SPATA13: variants seen among roughly 807,000 people sequenced by gnomAD.
The protein encoded by SPATA13 is spermatogenesis-associated protein 13.
A neutral mutation model predicts 104.0 loss-of-function variants in SPATA13; 50 were observed. The observed-to-expected ratio is 0.48, with a 90% CI of 0.38 to 0.61. The LOEUF (loss-of-function observed/expected upper bound fraction) is 0.61. Ranked by LOEUF, SPATA13 falls within the 20% of genes least tolerant of loss-of-function variation. The probability of loss-of-function intolerance (pLI) is 0.00; values close to 1 mark genes in which losing one functional copy is unlikely to be tolerated. For synonymous variants in SPATA13, 606 were observed against 667.5 expected (o/e 0.91, Z 1.42); for missense variants, 1,524 against 1,690.6 (o/e 0.90, Z 1.73).
chr13:24,139,435 C>A (rs997704158), intron 3 of SPATA13, among the ~76,000 whole-genome samples: 2 of 152,098 alleles, frequency 1.3e-5, no homozygotes, highest in African/African-American at 2.4e-5. Context: ...AGAGAAGAAG[C>A]AAAAACCCAC....
In SPATA13 at chr13:24,088,480, C is replaced by T. The variant is rs890049137; in HGVS notation, c.-112+70779C>T. On this transcript the variant is annotated intron_variant, in intron 3 of 14. Coordinates refer to the SPATA13 transcript ENST00000424834. The surrounding 1 kb of genome is among the most constrained non-coding windows in gnomAD (Gnocchi z 4.3). ...CATCACCCTGGACATTGACACTTCT[C>T]TTAGGGAAACACTGGGCACCATGTG... is the stretch of plus-strand genomic sequence containing the variant. Among the ~76,000 whole-genome samples the T allele has an allele frequency of 9.2e-5, 14 of 152,252 alleles. No individual in the cohort carries two copies. Among genetic ancestry groups the T allele is most frequent in the African/African-American group, 3.1e-4 (13 of 41,546 alleles).
intron 3 of SPATA13, among the ~76,000 whole-genome samples, chr13:24,127,953 A>T (rs2137831656): frequency 6.6e-6 from 1 of 152,390 alleles, no homozygotes; most frequent in Non-Finnish European, 1.5e-5. Context: ...ATGAACGAAC[A>T]GCATTTACAG....
intron 3 of SPATA13, among the ~76,000 whole-genome samples, chr13:24,114,112 G>A (rs111274899): frequency 0.016 from 2,481 of 152,278 alleles, 37 homozygotes; most frequent in Non-Finnish European, 0.025. Context: ...CAGTGTAGAA[G>A]GACAAGTGTA....
intron 9 of SPATA13, among the ~76,000 whole-genome samples, chr13:24,293,182 C>A: frequency 1.3e-5 from 2 of 148,248 alleles, no homozygotes. Context: ...GAAGAGAGAG[C>A]TATATATTTT....
intron 4 of SPATA13, chr13:24,278,939 T>C (rs1593490569): frequency 1.5e-5 from 13 of 878,472 alleles, no homozygotes; most frequent in Non-Finnish European, 2.1e-5. Flanking sequence ...TTTCCTTCCT[T>C]CCTTCCTTCC....
At chr13:24,198,443 A>C (rs561273284) in intron 1 of SPATA13, among the ~76,000 whole-genome samples, 1 of 152,282 alleles carries the variant, frequency 6.6e-6, no homozygotes, top group East Asian at 1.9e-4. Context: ...ATGTTCTAGG[A>C]AGGTGAAAAA....
chr13:24,263,866 G>T (rs1460568974), intron 4 of SPATA13, among the ~76,000 whole-genome samples: 1 of 152,198 alleles, frequency 6.6e-6, no homozygotes, highest in African/African-American at 2.4e-5. Context: ...ACTGCCTATG[G>T]TAAAATCCCT....
intron 3 of SPATA13, among the ~76,000 whole-genome samples, chr13:24,077,496 A>G (rs1384188688): frequency 6.6e-6 from 1 of 152,118 alleles, no homozygotes. Flanking sequence ...GGAGTGGGTG[A>G]GGGAAGAAAA....
chr13:24,213,489 A>G (rs190917079), intron 1 of SPATA13, among the ~76,000 whole-genome samples: 1 of 150,258 alleles, frequency 6.7e-6, no homozygotes, highest in Admixed American at 6.6e-5. Flanking sequence ...CTGCTCTCAA[A>G]CTCCCGACCT....
chr13:24,287,471 A>G (rs1249780522), intron 7 of SPATA13, among the ~76,000 whole-genome samples: 2 of 152,174 alleles, frequency 1.3e-5, no homozygotes, highest in Non-Finnish European at 2.9e-5. Flanking sequence ...CCCCTCTCTT[A>G]AGTGCACTCT....
At chr13:24,190,730 C>T (rs1869680983) in intron 1 of SPATA13, among the ~76,000 whole-genome samples, 1 of 152,028 alleles carries the variant, frequency 6.6e-6, no homozygotes, top group Admixed American at 6.6e-5. Context: ...AGAGTGGTTT[C>T]TTGTGACGGA....
At chr13:24,052,491 GT>G (rs67518708) in intron 3 of SPATA13, among the ~76,000 whole-genome samples, 41,635 of 149,346 alleles carry the variant, frequency 0.28, 6,084 homozygotes, top group South Asian at 0.39. Flanking sequence ...AGAAATATAT[GT>G]TTTTTTTTTT....
chr13:24,273,596 G>A (rs969611118), intron 4 of SPATA13, among the ~76,000 whole-genome samples: 3 of 152,150 alleles, frequency 2.0e-5, no homozygotes, highest in African/African-American at 7.2e-5. Flanking sequence ...TGACTATTAA[G>A]CATGTTCCTT....
chr13:24,009,438 G>T (rs749495606), intron 2 of SPATA13, among the ~76,000 whole-genome samples: 4 of 152,214 alleles, frequency 2.6e-5, no homozygotes, highest in Non-Finnish European at 5.9e-5. Context: ...GAGAACATGT[G>T]CCCTAGGTGG....
At chr13:24,284,090 G>A (rs1387860569) in intron 4 of SPATA13, 45 bp from the exon 5 acceptor site, 4 of 1,564,534 alleles carry the variant, frequency 2.6e-6, no homozygotes, top group Non-Finnish European at 3.5e-6. Context: ...AAAAAATCTT[G>A]TTAGCTGTGT....
At chr13:24,182,386 A>G (rs1432940825) in intron 1 of SPATA13, among the ~76,000 whole-genome samples, 1 of 152,210 alleles carries the variant, frequency 6.6e-6, no homozygotes, top group Non-Finnish European at 1.5e-5. Context: ...TACAGGAAAC[A>G]TAGTGCCAGT....
intron 3 of SPATA13, among the ~76,000 whole-genome samples, chr13:24,075,798 G>A (rs1593314153): frequency 2.0e-5 from 3 of 152,312 alleles, no homozygotes; most frequent in Admixed American, 2.0e-4. Flanking sequence ...CGCTGGTCTT[G>A]CAGCAGCCTG....
intron 2 of SPATA13, among the ~76,000 whole-genome samples, chr13:24,012,344 T>A (rs1338746558): frequency 6.6e-6 from 1 of 152,218 alleles, no homozygotes. Flanking sequence ...TCTATCTTGG[T>A]CAAGGTTGCC....
At chr13:24,240,472 C>T (rs1328923777) in intron 2 of SPATA13, among the ~76,000 whole-genome samples, 1 of 151,672 alleles carries the variant, frequency 6.6e-6, no homozygotes, top group Non-Finnish European at 1.5e-5. Flanking sequence ...GGTGGTGACA[C>T]GTGTCTATGA....
Sources: allele counts gnomAD v4.1 joint callset (sites outside exome capture counted in the v4.1 genomes callset), GRCh38; gene constraint gnomAD v4.1.1; non-coding constraint Gnocchi (gnomAD v3.1); transcripts MANE v1.5; gene names NCBI Gene and HGNC (gene_info 2026-07-23, HGNC 2026-07-21).